The following MYO10 variants were observed in gnomAD, a reference collection of about 807,000 sequenced individuals.
MYO10 encodes unconventional myosin-X.
In MYO10, 133 loss-of-function variants were observed where a neutral mutation model predicts 257.3. The observed-to-expected ratio is 0.52, with a 90% CI of 0.45 to 0.60. The LOEUF (loss-of-function observed/expected upper bound fraction) is 0.60. Among genes scored for constraint, MYO10 ranks in the 20% least tolerant of loss-of-function variants. The pLI is 0.00. For synonymous variants in MYO10, 1,104 were observed against 1,028.6 expected (o/e 1.07, Z -1.40); for missense variants, 2,399 against 2,635.7 (o/e 0.91, Z 1.97).
intron 2 of MYO10, among the ~76,000 whole-genome samples, chr5:16,863,961 G>T (rs146365069): frequency 1.3e-3 from 197 of 152,312 alleles, no homozygotes; most frequent in African/African-American, 4.6e-3. Context: ...AGCCAGGCTT[G>T]GTGGCACACA....
At chr5:16,900,207 T>C (rs1196367543) in intron 1 of MYO10, among the ~76,000 whole-genome samples, 1 of 152,146 alleles carries the variant, frequency 6.6e-6, no homozygotes, top group Admixed American at 6.5e-5. Flanking sequence ...TTATTGGTCG[T>C]TCAGAGTTAA....
chr5:16,724,206 T>C (rs1739266261), intron 19 of MYO10, among the ~76,000 whole-genome samples: 1 of 152,178 alleles, frequency 6.6e-6, no homozygotes, highest in South Asian at 2.1e-4. Context: ...TCTATAAGAC[T>C]AAAAGCATAA....
intron 1 of MYO10, among the ~76,000 whole-genome samples, chr5:16,888,146 A>G (rs1273839559): frequency 1.3e-5 from 2 of 152,078 alleles, no homozygotes; most frequent in Non-Finnish European, 2.9e-5. Flanking sequence ...TCATACTTCC[A>G]CAAGTCCATC....
intron 1 of MYO10, among the ~76,000 whole-genome samples, chr5:16,899,162 G>A (rs564767672): frequency 4.3e-4 from 64 of 149,170 alleles, no homozygotes; most frequent in African/African-American, 1.3e-3. Flanking sequence ...AAGTGCTAGC[G>A]TGTGAGCAAA....
At chr5:16,718,455 C>T (rs1255576212) in intron 19 of MYO10, among the ~76,000 whole-genome samples, 4 of 152,260 alleles carry the variant, frequency 2.6e-5, no homozygotes, top group Non-Finnish European at 5.9e-5. Context: ...ATATCTAGCT[C>T]AGGGATTGTA....
At chr5:16,928,340 C>T (rs566554847) in intron 1 of MYO10, among the ~76,000 whole-genome samples, 1 of 152,134 alleles carries the variant, frequency 6.6e-6, no homozygotes, top group Admixed American at 6.5e-5. Flanking sequence ...GATTACAGGC[C>T]CATGTCACCA....
chr5:16,765,362 A>G (rs560075323), intron 11 of MYO10, among the ~76,000 whole-genome samples: 2 of 152,310 alleles, frequency 1.3e-5, no homozygotes, highest in South Asian at 4.1e-4. Flanking sequence ...GCCCTAGAAC[A>G]TCGGACTCCA....
At chr5:16,782,116 G>T (rs1355570179) in intron 5 of MYO10, among the ~76,000 whole-genome samples, 1 of 152,166 alleles carries the variant, frequency 6.6e-6, no homozygotes, top group Non-Finnish European at 1.5e-5. Flanking sequence ...GGCCTTACAT[G>T]CACAATCCAG....
rs551157199 is a variant in MYO10 at position 16,907,095 on chromosome 5, C to A, written c.21+28693G>T. ...TGCCACTGCACTCCAGCCTGGGCGA[C>A]AGAATGAGACTCCATCTCAAAAAAA... On this transcript the variant is annotated intron_variant, in intron 1 of 40. Transcript: ENST00000513610. Among the ~76,000 whole-genome samples, 5 of 152,090 alleles carry A rather than the reference C, an allele frequency of 3.3e-5. No individual in the cohort carries two copies. The South Asian group carries it at 1.0e-3, about 32-fold the overall frequency.
At chr5:16,879,905 T>G (rs1744710450) in intron 1 of MYO10, among the ~76,000 whole-genome samples, 1 of 152,144 alleles carries the variant, frequency 6.6e-6, no homozygotes, top group African/African-American at 2.4e-5. Context: ...AGGCCGGACG[T>G]GGTGGCTCAC....
intron 25 of MYO10, among the ~76,000 whole-genome samples, 144 bp downstream of exon 25, chr5:16,700,810 GAATAAGCAA>G: frequency 6.6e-6 from 1 of 152,326 alleles, no homozygotes; most frequent in Admixed American, 6.5e-5. Flanking sequence ...TTGGCTTATG[GAATAAGCAA>G]AAGGTTTAAG....
At chr5:16,782,751 G>A (rs1741459565) in intron 5 of MYO10, among the ~76,000 whole-genome samples, 1 of 152,086 alleles carries the variant, frequency 6.6e-6, no homozygotes, top group Non-Finnish European at 1.5e-5. Flanking sequence ...CATCTATCAG[G>A]CAATGACATA....
chr5:16,695,593 T>C (rs1737710510), intron 26 of MYO10, among the ~76,000 whole-genome samples: 1 of 152,092 alleles, frequency 6.6e-6, no homozygotes, highest in Non-Finnish European at 1.5e-5. Context: ...ACAGATGTTA[T>C]CTTTCATAGG....
chr5:16,717,691 A>T (rs763542521), intron 19 of MYO10, among the ~76,000 whole-genome samples: 1 of 152,120 alleles, frequency 6.6e-6, no homozygotes, highest in Non-Finnish European at 1.5e-5. Context: ...CTTACTTCGC[A>T]TATCAACCTC....
intron 25 of MYO10, 136 bp from the exon 26 acceptor site, chr5:16,699,709 C>T: frequency 5.2e-6 from 6 of 1,161,426 alleles, no homozygotes; most frequent in Non-Finnish European, 7.3e-6. Flanking sequence ...ATCACTCGAA[C>T]CCAGGAGGCA....
intron 10 of MYO10, among the ~76,000 whole-genome samples, chr5:16,768,008 T>C (rs1034445218): frequency 6.6e-6 from 1 of 152,060 alleles, no homozygotes; most frequent in Non-Finnish European, 1.5e-5. Context: ...GTGGTAAACA[T>C]CAACAGATAC....
At chr5:16,676,762 G>C (rs1736744120) in intron 33 of MYO10, among the ~76,000 whole-genome samples, 1 of 152,170 alleles carries the variant, frequency 6.6e-6, no homozygotes, top group Non-Finnish European at 1.5e-5. Flanking sequence ...TGTGCATTTT[G>C]AGAGCCAAAG....
chr5:16,733,747 G>A (rs919364612), intron 19 of MYO10, among the ~76,000 whole-genome samples: 1 of 152,194 alleles, frequency 6.6e-6, no homozygotes, highest in South Asian at 2.1e-4. Flanking sequence ...GTTGGGAGTT[G>A]CTAGGAAACG....
At chr5:16,877,310 T>C (rs1249544261) in intron 2 of MYO10, among the ~76,000 whole-genome samples, 1 of 152,154 alleles carries the variant, frequency 6.6e-6, no homozygotes, top group African/African-American at 2.4e-5. Context: ...CTACTTCTGA[T>C]AGCTGAAAAA....
Sources: gnomAD v4.1 joint callset for allele counts (sites outside exome capture counted in the v4.1 genomes callset) on GRCh38, gnomAD v4.1.1 for gene constraint, MANE v1.5 for transcripts, NCBI Gene and HGNC (gene_info 2026-07-23, HGNC 2026-07-21) for gene names.